The following ANKRD44 variants were observed in gnomAD, a reference collection of about 807,000 sequenced individuals.
ANKRD44 encodes the protein serine/threonine-protein phosphatase 6 regulatory ankyrin repeat subunit B.
Under a neutral mutation model 116.0 loss-of-function variants are expected in ANKRD44, and 35 were observed. The ratio of observed to expected loss-of-function variants is 0.30; its 90% CI spans 0.23 to 0.40. The LOEUF is 0.40. Among genes scored for constraint, ANKRD44 ranks in the 10% least tolerant of loss-of-function variants. ANKRD44 has a pLI of 1.00. For missense variants in ANKRD44, 1,014 were observed against 1,242.6 expected (o/e 0.82, Z 2.77); for synonymous variants, 435 against 461.8 (o/e 0.94, Z 0.74).
At chr2:197,251,190 T>TC (rs1417204031) in intron 1 of ANKRD44, among the ~76,000 whole-genome samples, 1 of 152,252 alleles carries the variant, frequency 6.6e-6, no homozygotes, top group Non-Finnish European at 1.5e-5. Context: ...TATGCTTTTT[T>TC]CCAAACCTTT....
At chr2:196,975,767 G>T (rs1349937867) in intron 21 of ANKRD44, among the ~76,000 whole-genome samples, 4 of 144,852 alleles carry the variant, frequency 2.8e-5, no homozygotes, top group Non-Finnish European at 4.5e-5. Flanking sequence ...CAGCCTGGGT[G>T]ACAGAGCTAG....
intron 4 of ANKRD44, among the ~76,000 whole-genome samples, chr2:197,127,631 T>A (rs959473497): frequency 6.6e-6 from 1 of 152,174 alleles, no homozygotes; most frequent in Non-Finnish European, 1.5e-5. Context: ...ACTTCCTGAA[T>A]CAAGAAAAGA....
intron 12 of ANKRD44, 37 bp downstream of exon 12, chr2:197,088,674 G>A: frequency 7.0e-7 from 1 of 1,432,708 alleles, no homozygotes; most frequent in East Asian, 2.3e-5. Flanking sequence ...AGATGAATTA[G>A]TAACTCATAA....
Position 197,083,577 on chromosome 2 carries a change from C to T in ANKRD44, c.1317-68G>A, listed in dbSNP as rs972429810. On this transcript the variant is annotated intron_variant, in intron 13 of 27. Coordinates refer to ENST00000282272, the MANE Select transcript of ANKRD44 (RefSeq NM_001195144.2). Reference sequence around the variant, plus strand: ...AACAGGCCTGTTGTTGGCACTAGCACTGGCAGCAGTATGCCTAGGGCATGG... The same window carrying T: ...AACAGGCCTGTTGTTGGCACTAGCATTGGCAGCAGTATGCCTAGGGCATGG... 2.3e-5 allele frequency: 35 copies of T among 1,542,436 alleles called. 1 individual carries two copies. The East Asian group carries it at 8.2e-4, about 36-fold the overall frequency.
chr2:197,014,228 G>A (rs746394162), intron 17 of ANKRD44, among the ~76,000 whole-genome samples: 2 of 152,174 alleles, frequency 1.3e-5, no homozygotes, highest in Non-Finnish European at 2.9e-5. Flanking sequence ...CTAACTGTGT[G>A]ACCTTAGGTG....
chr2:197,014,627 A>C (rs556319000), intron 17 of ANKRD44, among the ~76,000 whole-genome samples: 35 of 152,090 alleles, frequency 2.3e-4, no homozygotes, highest in African/African-American at 8.0e-4. Context: ...GTCCCTACTA[A>C]AAATACAAAA....
intron 1 of ANKRD44, among the ~76,000 whole-genome samples, chr2:197,275,394 C>A (rs1574420454): frequency 7.8e-6 from 1 of 127,592 alleles, no homozygotes; most frequent in African/African-American, 3.0e-5. Flanking sequence ...CGATTACAGG[C>A]ATAAGCCACT....
rs187445817 is a variant in ANKRD44, at chr2:196,979,502, T to C, written c.2369-12056A>G. On this transcript the variant is annotated intron_variant, in intron 21 of 21. Coordinates refer to the ANKRD44 transcript ENST00000424317. ...GTAAGCACTCAGTGAGCATCAGCTATTTTTACTATTCACCCCAATTAAAAA... is the reference window on the plus strand; with the variant it reads ...GTAAGCACTCAGTGAGCATCAGCTACTTTTACTATTCACCCCAATTAAAAA... Among the ~76,000 whole-genome samples the C allele has an allele frequency of 3.3e-5, 5 of 150,684 alleles. No individual in the cohort carries two copies. The East Asian group carries it at 9.7e-4, about 29-fold the overall frequency.
chr2:197,270,377 G>A (rs1368831169), intron 1 of ANKRD44, among the ~76,000 whole-genome samples: 1 of 152,150 alleles, frequency 6.6e-6, no homozygotes, highest in Non-Finnish European at 1.5e-5. Flanking sequence ...AGGAGGTGGG[G>A]AAGAAGAAAG....
rs2076189204 is a variant in ANKRD44 at position 197,005,715 on chromosome 2, G to A, written c.2326C>T (p.Leu776=). Residue 776 remains leucine, a synonymous_variant, in exon 21 of 28, where the codon CTG becomes TTG. Transcript: ENST00000282272. ...CFKDNQGYTP[L]HWACYNGNEN... ...TCACCATTGTAACAAGCCCAGTGCA[G>A]CGGCGTGTAGCCTTGGTTATCTTTG... is the stretch of plus-strand genomic sequence containing the variant. 1 of 1,614,138 alleles carries A rather than the reference G, an allele frequency of 6.2e-7. No homozygotes were observed.
chr2:197,000,464 C>T lies in ANKRD44; in HGVS notation c.2474G>A (p.Gly825Glu). The T allele has an allele frequency of 6.2e-7, 1 of 1,613,988 alleles. No individual in the cohort carries two copies. The highest frequency in any genetic ancestry group is 8.5e-7 in the Non-Finnish European group (1 of 1,179,972). ...DHGNCASLLL[G>E]AIDSSIVSCR... ...ACTGACGATACTGGAATCTATGGCC[C>T]CAAGCAGCAATGATGCACAATTCCC... Residue 825 changes from glycine to glutamate, a missense_variant, in exon 23 of 28, where the codon GGG becomes GAG. Gly to Glu is a moderately conservative substitution (Grantham distance 98, BLOSUM62 -2). Transcript: ENST00000282272.
At chr2:197,210,751 A>G (rs2081306458) in intron 1 of ANKRD44, among the ~76,000 whole-genome samples, 1 of 152,184 alleles carries the variant, frequency 6.6e-6, no homozygotes, top group Non-Finnish European at 1.5e-5. Context: ...CGGCTCAGAT[A>G]TCATTCCTCC....
At chr2:197,310,474 G>C in intron 1 of ANKRD44, 104 bp downstream of exon 1, 1 of 842,790 alleles carries the variant, frequency 1.2e-6, no homozygotes, top group Non-Finnish European at 1.4e-6. Context: ...TTCGCCGCGA[G>C]TAAACAGCTC....
chr2:197,212,962 A>G lies in ANKRD44; in HGVS notation c.28-25856T>C, dbSNP rs1198754354. Among the ~76,000 whole-genome samples, 1 of 152,232 alleles carries G rather than the reference A, an allele frequency of 6.6e-6. No individual in the cohort carries two copies. The highest frequency in any genetic ancestry group is 1.5e-5 in the Non-Finnish European group (1 of 68,036). Reference sequence around the variant, plus strand: ...TAGTGTTTAAAGAAACATATTTTTCATACAAGTTGGCCCCTAAATGCAAGC... The same window carrying G: ...TAGTGTTTAAAGAAACATATTTTTCGTACAAGTTGGCCCCTAAATGCAAGC... On this transcript the variant is annotated intron_variant, in intron 1 of 27. Coordinates refer to ENST00000282272, the MANE Select transcript of ANKRD44 (RefSeq NM_001195144.2). The surrounding 1 kb of genome is among the most constrained non-coding windows in gnomAD (Gnocchi z 4.8).
chr2:197,250,519 C>T (rs1206203693), intron 1 of ANKRD44, among the ~76,000 whole-genome samples: 1 of 152,188 alleles, frequency 6.6e-6, no homozygotes, highest in Non-Finnish European at 1.5e-5. Flanking sequence ...CTGAATAAAA[C>T]TGTGGTCTGT....
chr2:197,236,781 T>C (rs573086192), intron 1 of ANKRD44, among the ~76,000 whole-genome samples: 2 of 151,228 alleles, frequency 1.3e-5, no homozygotes, highest in South Asian at 4.2e-4. Flanking sequence ...TGACAGTAGC[T>C]ACTGAGAAAA....
At chr2:197,281,625 T>C (rs2105830904) in intron 1 of ANKRD44, among the ~76,000 whole-genome samples, 1 of 152,316 alleles carries the variant, frequency 6.6e-6, no homozygotes, top group South Asian at 2.1e-4. Flanking sequence ...CAGATGTGTT[T>C]GGAAAATGAG....
chr2:197,180,149 C>T (rs1379245513), intron 2 of ANKRD44, among the ~76,000 whole-genome samples: 2 of 152,026 alleles, frequency 1.3e-5, no homozygotes, highest in South Asian at 2.1e-4. Context: ...CACTGGGGCC[C>T]TTGGCTTCGC....
intron 21 of ANKRD44, among the ~76,000 whole-genome samples, chr2:196,973,765 A>C (rs187863418): frequency 2.6e-5 from 4 of 152,196 alleles, no homozygotes; most frequent in Non-Finnish European, 4.4e-5. Flanking sequence ...ATATCTTTAT[A>C]TACAGACCAT....
Sources: gnomAD v4.1 joint callset for allele counts (sites outside exome capture counted in the v4.1 genomes callset) on GRCh38, gnomAD v4.1.1 for gene constraint, Gnocchi (gnomAD v3.1) non-coding constraint, MANE v1.5 for transcripts, NCBI Gene and HGNC (gene_info 2026-07-23, HGNC 2026-07-21) for gene names.